The following FBLN5 variants were observed in gnomAD, a reference collection of about 807,000 sequenced individuals.
The protein encoded by FBLN5 is fibulin-5.
Under a neutral mutation model 61.6 loss-of-function variants are expected in FBLN5, and 24 were observed. That is an observed-to-expected ratio of 0.39 (90% CI 0.28 to 0.55). The LOEUF is 0.55. Ranked by LOEUF, FBLN5 falls within the 20% of genes least tolerant of loss-of-function variation. The pLI, the probability that FBLN5 is intolerant of heterozygous loss-of-function variation, is 0.65. For synonymous variants in FBLN5, 213 were observed against 219.8 expected (o/e 0.97, Z 0.27); for missense variants, 470 against 594.1 (o/e 0.79, Z 2.17).
intron 4 of FBLN5, among the ~76,000 whole-genome samples, chr14:91,901,214 A>C (rs960194647): frequency 6.6e-6 from 1 of 152,154 alleles, no homozygotes; most frequent in African/African-American, 2.4e-5. Flanking sequence ...TCTTTGCTCC[A>C]ATACTGTGAA....
At chr14:91,877,889 C>G (rs1889245252) in intron 9 of FBLN5, 1 of 659,944 alleles carries the variant, frequency 1.5e-6, no homozygotes, top group Non-Finnish European at 2.8e-6. Context: ...GGACTTTTCT[C>G]ACCAACCAGA....
intron 1 of FBLN5, among the ~76,000 whole-genome samples, chr14:91,946,434 G>A (rs1032208629): frequency 2.6e-5 from 4 of 152,136 alleles, no homozygotes; most frequent in African/African-American, 9.7e-5. Flanking sequence ...AGGAAAGCCG[G>A]AGAGACCAAC....
intron 2 of FBLN5, among the ~76,000 whole-genome samples, chr14:91,941,019 A>G (rs769529641): frequency 1.3e-5 from 2 of 152,170 alleles, no homozygotes; most frequent in Non-Finnish European, 2.9e-5. Flanking sequence ...AGGGTTTTTA[A>G]TGCTGTAGTT....
At chr14:91,933,253 GC>G (rs1466563705) in intron 4 of FBLN5, among the ~76,000 whole-genome samples, 2 of 152,070 alleles carry the variant, frequency 1.3e-5, no homozygotes, top group East Asian at 3.9e-4. Context: ...ATGGTATTGT[GC>G]TTTTTGGAAG....
intron 1 of FBLN5, among the ~76,000 whole-genome samples, chr14:91,945,290 G>T (rs867503554): frequency 1.2e-4 from 18 of 151,888 alleles, no homozygotes; most frequent in South Asian, 2.1e-4. Context: ...CTATTATTCA[G>T]TTCAACAGCA....
At chr14:91,927,674 C>T (rs957331349) in intron 4 of FBLN5, among the ~76,000 whole-genome samples, 6 of 152,220 alleles carry the variant, frequency 3.9e-5, no homozygotes, top group Non-Finnish European at 7.3e-5. Flanking sequence ...CCCTGGCATT[C>T]GAGGCTATTT....
intron 4 of FBLN5, among the ~76,000 whole-genome samples, chr14:91,904,168 C>A (rs1890575494): frequency 2.0e-5 from 3 of 152,204 alleles, no homozygotes; most frequent in African/African-American, 7.2e-5. Flanking sequence ...TATTCACAAT[C>A]ATAGCTTAAG....
intron 4 of FBLN5, among the ~76,000 whole-genome samples, chr14:91,904,321 T>C (rs1363913907): frequency 6.6e-6 from 1 of 152,174 alleles, no homozygotes; most frequent in Non-Finnish European, 1.5e-5. Context: ...AAGTCCACCA[T>C]CTACCTTATT....
rs1202259986 is a variant in FBLN5, at chr14:91,870,005, T to G, written c.*219A>C. 1 of 583,650 alleles carries G rather than the reference T, an allele frequency of 1.7e-6. No individual in the cohort carries two copies. The highest frequency in any genetic ancestry group is 3.1e-6 in the Non-Finnish European group (1 of 323,268). The allele number at this position is 583,650 out of a possible 1,614,324, so 36.2% of individuals were successfully genotyped here. A position where few individuals can be genotyped will look rare whatever the true frequency, so the allele number is the denominator to read the frequency against. On this transcript the variant is annotated 3_prime_UTR_variant, in exon 11 of 11. Coordinates refer to ENST00000342058, the MANE Select transcript of FBLN5 (RefSeq NM_006329.4). ...ATCAGGGGAGCAATGATAATACTTT[T>G]TGATAACTGTGTCATAGGAACTGGG...
chr14:91,946,791 G>A, intron 1 of FBLN5: 1 of 1,535,848 alleles, frequency 6.5e-7, no homozygotes. Context: ...AGCAAATCCA[G>A]CCCCGCGGTG....
At chr14:91,872,822 G>A (rs992954954) in intron 10 of FBLN5, among the ~76,000 whole-genome samples, 3 of 152,204 alleles carry the variant, frequency 2.0e-5, no homozygotes, top group Admixed American at 2.0e-4. Context: ...GGAAATGCCT[G>A]CAGCCTTTAC....
At chr14:91,912,141 T>G (rs536670882) in intron 4 of FBLN5, among the ~76,000 whole-genome samples, 1 of 152,338 alleles carries the variant, frequency 6.6e-6, no homozygotes, top group African/African-American at 2.4e-5. Flanking sequence ...TGCTCTAAAA[T>G]AAGGAAGTTC....
At chr14:91,891,789 C>A (rs1890008469) in intron 5 of FBLN5, among the ~76,000 whole-genome samples, 1 of 152,178 alleles carries the variant, frequency 6.6e-6, no homozygotes, top group Non-Finnish European at 1.5e-5. Flanking sequence ...GGCTCCACTG[C>A]CCAGGATTCT....
rs148660796 is a variant in FBLN5 at position 91,870,380 on chromosome 14, C to A, written c.1191G>T (p.Thr397=). The change falls in exon 11 of 11, where the codon ACG becomes ACT. Residue 397 remains threonine, a synonymous_variant. Transcript: ENST00000342058. ...NEGREFYMRQ[T]GPISATLVMT... The stretch of plus-strand genomic sequence containing the variant: ...TCACCAGGGTGGCACTGATGGGGCC[C>A]GTTTGCTATGGACAGAACCGGGGAA... The A allele has an allele frequency of 6.2e-7, 1 of 1,613,756 alleles. No individual in the cohort carries two copies. Among genetic ancestry groups the A allele is most frequent in the Admixed American group, 1.7e-5 (1 of 60,022 alleles).
intron 2 of FBLN5, 72 bp downstream of exon 2, chr14:91,942,835 A>G (rs1431131924): frequency 7.3e-6 from 7 of 956,278 alleles, no homozygotes; most frequent in Non-Finnish European, 1.2e-5. Context: ...AGGGTTCCGT[A>G]GCGCAAGGCT....
intron 4 of FBLN5, among the ~76,000 whole-genome samples, chr14:91,917,969 G>C (rs1891266421): frequency 6.6e-6 from 1 of 152,184 alleles, no homozygotes; most frequent in Non-Finnish European, 1.5e-5. Flanking sequence ...TGGGCAAATT[G>C]GCCCAAGGAC....
At chr14:91,897,658 G>A (rs941203648) in intron 4 of FBLN5, among the ~76,000 whole-genome samples, 4 of 152,232 alleles carry the variant, frequency 2.6e-5, no homozygotes, top group Non-Finnish European at 4.4e-5. Flanking sequence ...AGGGCACAAA[G>A]GGCCCCATCG....
intron 4 of FBLN5, among the ~76,000 whole-genome samples, chr14:91,896,305 G>C (rs990884645): frequency 5.3e-5 from 8 of 152,122 alleles, no homozygotes; most frequent in African/African-American, 1.9e-4. Context: ...GGTGCCTCCT[G>C]GATCTGCCTG....
At chr14:91,900,080 G>C (rs1168928158) in intron 4 of FBLN5, among the ~76,000 whole-genome samples, 1 of 152,208 alleles carries the variant, frequency 6.6e-6, no homozygotes, top group Non-Finnish European at 1.5e-5. Flanking sequence ...GGAGTTCTCA[G>C]ACAGCTTCGT....
Sources: allele counts gnomAD v4.1 joint callset (sites outside exome capture counted in the v4.1 genomes callset), GRCh38; gene constraint gnomAD v4.1.1; transcripts MANE v1.5; gene names NCBI Gene and HGNC (gene_info 2026-07-23, HGNC 2026-07-21).